Variants in PPP1R3A observed in about 807,000 individuals in gnomAD.
PPP1R3A encodes the protein protein phosphatase 1 regulatory subunit 3A.
PPP1R3A carries 29 observed loss-of-function variants against 41.7 expected under a neutral mutation model. The observed-to-expected ratio is 0.70, with a 90% CI of 0.52 to 0.95. The LOEUF (loss-of-function observed/expected upper bound fraction) is 0.95, where lower values mean the gene tolerates loss of function less well. Among genes scored for constraint, PPP1R3A ranks in the 40% least tolerant of loss-of-function variants. PPP1R3A has a pLI of 0.00. For synonymous variants in PPP1R3A, 485 were observed against 453.4 expected, an observed-to-expected ratio of 1.07 and a Z score of -0.89; for missense variants, 1,352 against 1,292.4, an observed-to-expected ratio of 1.05 and a Z score of -0.71.
Position 113,914,088 on chromosome 7 carries a change from A to C in PPP1R3A, c.782+4127T>G, listed in dbSNP as rs149196171. 7.5e-3 allele frequency among the ~76,000 whole-genome samples: 1,144 copies of C among 152,294 alleles called. 8 individuals are homozygous for C. Among genetic ancestry groups the C allele is most frequent in the Non-Finnish European group, 9.7e-3 (662 of 68,028 alleles). On this transcript the variant is annotated intron_variant, in intron 1 of 3. Transcript: ENST00000284601. ...TATGGAGAAATAATGCAAGTTCAAG[A>C]GTCAGGACATTAGCTGAACAAGATT...
intron 1 of PPP1R3A, among the ~76,000 whole-genome samples, chr7:113,913,667 A>C (rs1797289991): frequency 6.6e-6 from 1 of 152,176 alleles, no homozygotes; most frequent in Admixed American, 6.6e-5. Flanking sequence ...CCCAGCCATT[A>C]GGAACATACA....
chr7:113,888,575 A>G lies in PPP1R3A; in HGVS notation c.783-6255T>C, dbSNP rs1342355607. Among the ~76,000 whole-genome samples the G allele has an allele frequency of 3.3e-5, 5 of 152,228 alleles. No homozygotes were observed. In the East Asian group the frequency reaches 9.7e-4, roughly 29 times the overall value. ...ACAGTTAACTGAGGGATCCTGCACT[A>G]CAAGTCAGCAAGGTCTTGAATTAGT... On this transcript the variant is annotated intron_variant, in intron 1 of 3. Coordinates refer to ENST00000284601, the MANE Select transcript of PPP1R3A (RefSeq NM_002711.4).
intron 1 of PPP1R3A, among the ~76,000 whole-genome samples, chr7:113,910,761 A>C (rs929233895): frequency 8.5e-5 from 13 of 152,270 alleles, no homozygotes; most frequent in Admixed American, 5.9e-4. Flanking sequence ...ATTCATACAG[A>C]TTTATAGTCA....
rs1796578008 is a variant in PPP1R3A at position 113,877,084 on chromosome 7, T to C, written c.*639A>G. The C allele has an allele frequency of 6.6e-6, 1 of 151,892 alleles. No homozygotes were observed. Among genetic ancestry groups the C allele is most frequent in the South Asian group, 2.1e-4 (1 of 4,824 alleles). The allele number at this position is 151,892 out of a possible 1,614,324, so 9.4% of individuals were successfully genotyped here. A position where few individuals can be genotyped will look rare whatever the true frequency, so the allele number is the denominator to read the frequency against. ...TTTCAGTCTTGTCAGATTTTGCCTATGAACGCCCTGACTTTGTAGCTATAA... is the reference window on the plus strand; with the variant it reads ...TTTCAGTCTTGTCAGATTTTGCCTACGAACGCCCTGACTTTGTAGCTATAA... On this transcript the variant is annotated 3_prime_UTR_variant, in exon 4 of 4. Transcript: ENST00000284601.
At chr7:113,914,974 A>G (rs986129060) in intron 1 of PPP1R3A, among the ~76,000 whole-genome samples, 15 of 152,048 alleles carry the variant, frequency 9.9e-5, no homozygotes, top group Admixed American at 6.6e-4. Context: ...CATTTTTGTC[A>G]TTGATTTTAA....
At chr7:113,892,563 T>A (rs1431181953) in intron 1 of PPP1R3A, among the ~76,000 whole-genome samples, 1 of 152,080 alleles carries the variant, frequency 6.6e-6, no homozygotes, top group Non-Finnish European at 1.5e-5. Context: ...CAGTACTGGC[T>A]AGTCTTCTCT....
At chr7:113,894,511 C>T (rs1796947207) in intron 1 of PPP1R3A, among the ~76,000 whole-genome samples, 1 of 151,850 alleles carries the variant, frequency 6.6e-6, no homozygotes, top group South Asian at 2.1e-4. Flanking sequence ...AGAGTCTTGC[C>T]ACCTCAGAAG....
At chr7:113,908,587 T>C (rs1797185035) in intron 1 of PPP1R3A, among the ~76,000 whole-genome samples, 1 of 151,998 alleles carries the variant, frequency 6.6e-6, no homozygotes, top group Admixed American at 6.6e-5. Context: ...AATATTAACC[T>C]TTTTAAAACA....
chr7:113,884,337 A>G (rs772442334), intron 1 of PPP1R3A, among the ~76,000 whole-genome samples: 3 of 152,050 alleles, frequency 2.0e-5, no homozygotes, highest in Non-Finnish European at 4.4e-5. Context: ...AGCAGGGAGG[A>G]GGAACTTTTT....
intron 1 of PPP1R3A, among the ~76,000 whole-genome samples, chr7:113,892,549 G>A (rs1296499757): frequency 6.6e-6 from 1 of 152,030 alleles, no homozygotes; most frequent in Non-Finnish European, 1.5e-5. Flanking sequence ...TTCCTTTGGT[G>A]TTACAGTACT....
At position 113,897,796 on chromosome 7, in the gene PPP1R3A, C is replaced by T. The variant is rs147999341; in HGVS notation, c.783-15476G>A. ...AAGTGAGAAGCATTCACTAAGATGA[C>T]TACTGTTGAAGATTAGTATAAGAGC... On this transcript the variant is annotated intron_variant, in intron 1 of 3. Transcript: ENST00000284601. Among the ~76,000 whole-genome samples, 433 of 151,808 alleles carry T rather than the reference C, an allele frequency of 2.9e-3. 2 individuals are homozygous for T. The highest frequency in any genetic ancestry group is 1.0e-2 in the African/African-American group (413 of 41,462).
intron 1 of PPP1R3A, among the ~76,000 whole-genome samples, chr7:113,915,604 C>CATATAT (rs892277761): frequency 6.8e-6 from 1 of 147,892 alleles, no homozygotes; most frequent in African/African-American, 2.5e-5. Flanking sequence ...TATACATATA[C>CATATAT]ATATATATAC....
chr7:113,884,824 C>G (rs1796755022), intron 1 of PPP1R3A, among the ~76,000 whole-genome samples: 1 of 151,902 alleles, frequency 6.6e-6, no homozygotes, highest in South Asian at 2.1e-4. Flanking sequence ...ATAATGAACT[C>G]CTACAAATCA....
chr7:113,897,323 C>A (rs1796993707), intron 1 of PPP1R3A, among the ~76,000 whole-genome samples: 2 of 151,538 alleles, frequency 1.3e-5, no homozygotes, highest in South Asian at 2.1e-4. Flanking sequence ...TTGAGGAGAT[C>A]CTACATAGAT....
At chr7:113,917,042 T>C (rs532324402) in intron 1 of PPP1R3A, among the ~76,000 whole-genome samples, 2 of 152,212 alleles carry the variant, frequency 1.3e-5, no homozygotes, top group African/African-American at 4.8e-5. Flanking sequence ...ATTGGAACAA[T>C]GCATTTAGTA....
Position 113,880,223 on chromosome 7 carries a change from G to A in PPP1R3A, c.967-98C>T, listed in dbSNP as rs114485693. On this transcript the variant is annotated intron_variant, in intron 3 of 3. Coordinates refer to ENST00000284601, the MANE Select transcript of PPP1R3A (RefSeq NM_002711.4). ...TTATTAACTCGGCTAGTAATTATCT[G>A]GTAGATTTCTTTGACTGATTTCATT... The A allele has an allele frequency of 1.9e-3, 2,121 of 1,096,550 alleles. 24 individuals are homozygous for A. In the African/African-American group the frequency reaches 0.024, roughly 13 times the overall value. The allele number at this position is 1,096,550 out of a possible 1,614,324, so 67.9% of individuals were successfully genotyped here. A position where few individuals can be genotyped will look rare whatever the true frequency, so the allele number is the denominator to read the frequency against.
chr7:113,902,240 G>T lies in PPP1R3A; in HGVS notation c.782+15975C>A, dbSNP rs554417485. Among the ~76,000 whole-genome samples, 3 of 151,876 alleles carry T rather than the reference G, an allele frequency of 2.0e-5. No individual in the cohort carries two copies. In the South Asian group the frequency reaches 6.2e-4, roughly 32 times the overall value. ...ACTCCTGAACTCAAGTGATACTCCAGCCTCAGCCTCCCAAGTATATGGGAC... is the reference window on the plus strand; with the variant it reads ...ACTCCTGAACTCAAGTGATACTCCATCCTCAGCCTCCCAAGTATATGGGAC... On this transcript the variant is annotated intron_variant, in intron 1 of 3. Coordinates refer to ENST00000284601, the MANE Select transcript of PPP1R3A (RefSeq NM_002711.4).
chr7:113,898,204 T>C (rs900819648), intron 1 of PPP1R3A, among the ~76,000 whole-genome samples: 2 of 151,970 alleles, frequency 1.3e-5, no homozygotes, highest in African/African-American at 4.8e-5. Flanking sequence ...AATTCTGCCT[T>C]CATAAAGTTT....
rs1242340580 is a variant in PPP1R3A at position 113,877,960 on chromosome 7, C to T, written c.3132G>A (p.Lys1044=). The change falls in exon 4 of 4, where the codon AAG becomes AAA. Residue 1044 remains lysine, a synonymous_variant. Transcript: ENST00000284601. ...SGQSLYTSGE[K]ESDSSASTSL... is the part of the protein sequence containing the mutation. Reference sequence around the variant, plus strand: ...TAGTAGAAGCAGAGCTGTCAGATTCCTTTTCACCTGAAGTGTATAGTGATT... The same window carrying T: ...TAGTAGAAGCAGAGCTGTCAGATTCTTTTTCACCTGAAGTGTATAGTGATT... The T allele has an allele frequency of 1.9e-6, 3 of 1,613,412 alleles. No homozygotes were observed. Among genetic ancestry groups the T allele is most frequent in the East Asian group, 2.2e-5 (1 of 44,832 alleles).
Sources: allele counts gnomAD v4.1 joint callset (sites outside exome capture counted in the v4.1 genomes callset), GRCh38; gene constraint gnomAD v4.1.1; transcripts MANE v1.5; gene names NCBI Gene and HGNC (gene_info 2026-07-23, HGNC 2026-07-21).